Variants in CRYL1 observed in about 807,000 individuals in gnomAD.
CRYL1 encodes lambda-crystallin homolog.
In CRYL1, 29 loss-of-function variants were observed where a neutral mutation model predicts 36.6. The ratio of observed to expected loss-of-function variants is 0.79; its 90% CI spans 0.59 to 1.08. CRYL1 has a LOEUF of 1.08. Among genes scored for constraint, CRYL1 ranks in the 50% least tolerant of loss-of-function variants. The probability of loss-of-function intolerance (pLI) is 0.00; values close to 1 mark genes in which losing one functional copy is unlikely to be tolerated. For missense variants in CRYL1, 411 were observed against 407.9 expected, an observed-to-expected ratio of 1.01 and a Z score of -0.06; for synonymous variants, 152 against 151.5, an observed-to-expected ratio of 1.00 and a Z score of -0.02.
chr13:20,508,864 A>AAAAC (rs1565988270), intron 2 of CRYL1, among the ~76,000 whole-genome samples: 15 of 53,594 alleles, frequency 2.8e-4, no homozygotes, highest in African/African-American at 1.0e-3. Context: ...AAAAAAAAAA[A>AAAAC]AAAAAAAAAA....
chr13:20,404,302 A>T, intron 7 of CRYL1, 60 bp from the exon 8 acceptor site: 1 of 1,156,788 alleles, frequency 8.6e-7, no homozygotes, highest in South Asian at 1.2e-5. Flanking sequence ...TCAAGAGTGT[A>T]ATTATTGCTC....
chr13:20,451,049 C>T (rs1291438824), intron 3 of CRYL1, among the ~76,000 whole-genome samples: 6 of 123,958 alleles, frequency 4.8e-5, no homozygotes, highest in Non-Finnish European at 6.4e-5. Flanking sequence ...CATCACACAC[C>T]GGGCCTGTCG....
At chr13:20,428,345 C>G (rs181928790) in intron 5 of CRYL1, among the ~76,000 whole-genome samples, 109 of 152,278 alleles carry the variant, frequency 7.2e-4, no homozygotes, top group African/African-American at 2.4e-3. Flanking sequence ...CCAAAATCTG[C>G]AAACATCCAA....
intron 5 of CRYL1, among the ~76,000 whole-genome samples, chr13:20,417,000 G>A (rs1331086216): frequency 6.6e-6 from 1 of 152,156 alleles, no homozygotes; most frequent in Non-Finnish European, 1.5e-5. Flanking sequence ...CTTCCTCACT[G>A]CTTCTTTCTG....
chr13:20,431,395 C>T (rs2137389325), intron 5 of CRYL1: 1 of 985,432 alleles, frequency 1.0e-6, no homozygotes, highest in African/African-American at 1.7e-5. Context: ...CTTGCCTTCC[C>T]CCTGCAGAAG....
intron 1 of CRYL1, among the ~76,000 whole-genome samples, chr13:20,518,119 C>T (rs1406140565): frequency 6.6e-6 from 1 of 151,880 alleles, no homozygotes; most frequent in African/African-American, 2.4e-5. Flanking sequence ...TCAGCTGGCT[C>T]TTGCCATGGG....
chr13:20,424,667 A>G (rs7984334), intron 5 of CRYL1, among the ~76,000 whole-genome samples: 150,036 of 152,316 alleles, frequency 0.99, 73,922 homozygotes, highest in East Asian at 1. Context: ...GTCACAGAAG[A>G]AGCCTGGTAG....
intron 3 of CRYL1, among the ~76,000 whole-genome samples, chr13:20,466,702 G>GTGTGTGTA (rs2137439145): frequency 6.9e-6 from 1 of 145,268 alleles, no homozygotes; most frequent in African/African-American, 2.4e-5. Context: ...GTGTGTGTGT[G>GTGTGTGTA]TGTGTGTGTA....
At chr13:20,477,918 T>C (rs1337235721) in intron 3 of CRYL1, among the ~76,000 whole-genome samples, 3 of 146,546 alleles carry the variant, frequency 2.0e-5, no homozygotes. Context: ...TGTATTATAG[T>C]ATATATTACA....
At chr13:20,432,485 G>A (rs2032092384) in intron 4 of CRYL1, among the ~76,000 whole-genome samples, 189 bp from the exon 5 acceptor site, 1 of 152,086 alleles carries the variant, frequency 6.6e-6, no homozygotes, top group African/African-American at 2.4e-5. Context: ...ACCTGATGCA[G>A]AATTGTGTGG....
chr13:20,483,939 C>T (rs1368659927), intron 3 of CRYL1, among the ~76,000 whole-genome samples: 1 of 152,186 alleles, frequency 6.6e-6, no homozygotes, highest in Non-Finnish European at 1.5e-5. Flanking sequence ...GCCTCAGCCT[C>T]CCGGGTAGCT....
In CRYL1 at chr13:20,500,757, G is replaced by A. The variant is rs147705609; in HGVS notation, c.150-11261C>T. ...GCAGGAAGGAGACAGAAAGATGGAT[G>A]ACCAGATGCCCCATGGTTGAGGAAT... On this transcript the variant is annotated intron_variant, in intron 2 of 7. Coordinates refer to ENST00000298248, the MANE Select transcript of CRYL1 (RefSeq NM_015974.3). Among the ~76,000 whole-genome samples the A allele has an allele frequency of 8.6e-3, 1,313 of 152,264 alleles. 9 individuals are homozygous for A. The highest frequency in any genetic ancestry group is 0.016 in the South Asian group (76 of 4,826).
In CRYL1 at chr13:20,514,327, G is replaced by A. The variant is rs931235208; in HGVS notation, c.42-1777C>T. Among the ~76,000 whole-genome samples the A allele has an allele frequency of 4.9e-4, 75 of 152,200 alleles. 1 individual carries two copies. The highest frequency in any genetic ancestry group is 4.8e-3 in the Admixed American group (74 of 15,280). ...GTATGCACTCTTGATATAAGACAAA[G>A]TGAAAACGATGCTTTATCCCTGTGG... is the stretch of plus-strand genomic sequence containing the variant. On this transcript the variant is annotated intron_variant, in intron 1 of 7. Coordinates refer to ENST00000298248, the MANE Select transcript of CRYL1 (RefSeq NM_015974.3).
chr13:20,453,215 A>G (rs1384596264), intron 3 of CRYL1, among the ~76,000 whole-genome samples: 1 of 152,212 alleles, frequency 6.6e-6, no homozygotes, highest in Non-Finnish European at 1.5e-5. Context: ...GCCATGAAAC[A>G]AAACTTAAAA....
chr13:20,451,407 A>C (rs2032568350), intron 3 of CRYL1, among the ~76,000 whole-genome samples: 1 of 152,184 alleles, frequency 6.6e-6, no homozygotes, highest in Admixed American at 6.5e-5. Flanking sequence ...CAAAGTTCTA[A>C]TATTCAGAAT....
At chr13:20,524,342 A>G (rs534505414) in intron 1 of CRYL1, among the ~76,000 whole-genome samples, 3 of 152,304 alleles carry the variant, frequency 2.0e-5, no homozygotes, top group Non-Finnish European at 2.9e-5. Context: ...TATTAATAAA[A>G]TGCAAGACAG....
At chr13:20,504,406 C>T (rs984209589) in intron 2 of CRYL1, among the ~76,000 whole-genome samples, 2 of 149,548 alleles carry the variant, frequency 1.3e-5, no homozygotes, top group African/African-American at 5.0e-5. Context: ...CACGTTCAAG[C>T]GATTCTCCTG....
At chr13:20,513,998 T>C (rs2033959481) in intron 1 of CRYL1, among the ~76,000 whole-genome samples, 1 of 150,772 alleles carries the variant, frequency 6.6e-6, no homozygotes, top group African/African-American at 2.4e-5. Context: ...AAGCTGGAAC[T>C]TGAGCCACAA....
chr13:20,497,333 C>CA (rs1445731353), intron 2 of CRYL1, among the ~76,000 whole-genome samples: 12 of 42,448 alleles, frequency 2.8e-4, no homozygotes, highest in Admixed American at 7.2e-4. Flanking sequence ...ACACACACCA[C>CA]CACACACACT....
Sources: allele counts gnomAD v4.1 joint callset (sites outside exome capture counted in the v4.1 genomes callset), GRCh38; gene constraint gnomAD v4.1.1; transcripts MANE v1.5; gene names NCBI Gene and HGNC (gene_info 2026-07-23, HGNC 2026-07-21).